The following DNAH10 variants were observed in gnomAD, a reference collection of about 807,000 sequenced individuals.
The protein encoded by DNAH10 is dynein axonemal heavy chain 10, also known as axonemal beta dynein heavy chain 10.
DNAH10 carries 348 observed loss-of-function variants against 506.6 expected under a neutral mutation model. That is an observed-to-expected ratio of 0.69 (90% CI 0.63 to 0.75). DNAH10 has a LOEUF of 0.75. DNAH10 is among the 30% of genes least tolerant of loss of function. The pLI is 0.00. For synonymous variants in DNAH10, 2,059 were observed against 2,198.6 expected (o/e 0.94, Z 1.78); for missense variants, 5,179 against 5,787.1 (o/e 0.89, Z 3.41).
chr12:123,881,641 A>G lies in DNAH10; in HGVS notation c.8651A>G (p.Tyr2884Cys), dbSNP rs1327905128. Residue 2884 changes from tyrosine (Y) to cysteine (C), a missense_variant, in exon 51 of 79, where the codon TAT becomes TGT. By Grantham distance (194) the Tyr-to-Cys change is radical (BLOSUM62 -2). Coordinates refer to ENST00000673944, the MANE Select transcript of DNAH10 (RefSeq NM_001372106.1). Reference protein sequence around the residue: ...KALFQEILEEYNESNTKMNLV... With the variant: ...KALFQEILEECNESNTKMNLV... ...TAAATGCAGGAAATTCTTGAAGAGTATAATGAAAGCAACACCAAAATGAAC... is the reference window on the plus strand; with the variant it reads ...TAAATGCAGGAAATTCTTGAAGAGTGTAATGAAAGCAACACCAAAATGAAC... 6.5e-7 allele frequency: 1 copy of G among 1,537,180 alleles called. No homozygotes were observed. The highest frequency in any genetic ancestry group is 8.7e-7 in the Non-Finnish European group (1 of 1,142,922).
intron 30 of DNAH10, among the ~76,000 whole-genome samples, chr12:123,843,364 C>T (rs529786443): frequency 3.9e-5 from 6 of 152,202 alleles, no homozygotes; most frequent in South Asian, 2.1e-4. Flanking sequence ...GCCACCTCTC[C>T]GTTTCTGATT....
In DNAH10 at chr12:123,785,759, G is replaced by C; in HGVS notation, c.1244G>C (p.Gly415Ala). The C allele has an allele frequency of 6.2e-7, 1 of 1,612,766 alleles. No homozygotes were observed. The highest frequency in any genetic ancestry group is 1.7e-4 in the Middle Eastern group (1 of 6,050). The change falls in exon 9 of 79, where the codon GGG (glycine) becomes GCG (alanine). Residue 415 changes from glycine to alanine, a missense_variant. Transcript: ENST00000673944. This position sits in a 1 kb window ranked among gnomAD's most constrained non-coding sequence, Gnocchi z 4.1. ...TCTCTTGGTCAGAACATAACGCACGGGTCTGGCTTCCACGTGGTCCTGGAC... is the reference window on the plus strand; with the variant it reads ...TCTCTTGGTCAGAACATAACGCACGCGTCTGGCTTCCACGTGGTCCTGGAC... ...VERYFKNITH[G>A]SGFHVVLDTI...
intron 35 of DNAH10, among the ~76,000 whole-genome samples, chr12:123,852,154 T>A (rs1388587417): frequency 3.3e-5 from 5 of 152,194 alleles, no homozygotes; most frequent in Non-Finnish European, 7.3e-5. Context: ...TGTAATTTTG[T>A]CACTTTGAGA....
intron 49 of DNAH10, 34 bp downstream of exon 49, chr12:123,879,391 C>T: frequency 1.3e-6 from 2 of 1,544,182 alleles, no homozygotes; most frequent in Non-Finnish European, 1.7e-6. Context: ...TCAGGAAATT[C>T]TTCTCAGGAA....
intron 30 of DNAH10, among the ~76,000 whole-genome samples, chr12:123,842,051 A>C (rs1247337349): frequency 1.3e-5 from 2 of 152,220 alleles, no homozygotes; most frequent in African/African-American, 4.8e-5. Context: ...CACCCGATGC[A>C]GTACTCTCAA....
intron 2 of DNAH10, among the ~76,000 whole-genome samples, chr12:123,768,088 CT>C (rs1327957036): frequency 6.6e-6 from 1 of 151,992 alleles, no homozygotes; most frequent in Non-Finnish European, 1.5e-5. Context: ...GCCTTGTCCC[CT>C]CTGTATCTTT....
Position 123,802,315 on chromosome 12 carries a change from G to A in DNAH10, c.2614+883G>A, listed in dbSNP as rs565491803. ...TGTTTAGTTTAAGGTTGTTGTTGTT[G>A]TTGTTTTGAGATGGAGTTTCGCTCT... is the stretch of plus-strand genomic sequence containing the variant. On this transcript the variant is annotated intron_variant, in intron 16 of 78. Transcript: ENST00000673944. Among the ~76,000 whole-genome samples, 18 of 152,168 alleles carry A rather than the reference G, an allele frequency of 1.2e-4. No homozygotes were observed. In the South Asian group the frequency reaches 3.7e-3, roughly 32 times the overall value.
chr12:123,787,971 C>A lies in DNAH10; in HGVS notation c.1589C>A (p.Thr530Asn). The change falls in exon 10 of 79, where the codon ACC (threonine) becomes AAC (asparagine). Residue 530 changes from threonine (T) to asparagine (N), a missense_variant. By Grantham distance (65) the Thr-to-Asn change is moderately conservative (BLOSUM62 0). Coordinates refer to ENST00000673944, the MANE Select transcript of DNAH10 (RefSeq NM_001372106.1). This position sits in a 1 kb window ranked among gnomAD's most constrained non-coding sequence, Gnocchi z 4.6. ...TTCGAGAGGACGGATTATATGGCCA[C>A]CATCTGCCAGGACCTCTCCGACGTT... ...RLFERTDYMA[T>N]ICQDLSDVLQ... is the part of the protein sequence containing the mutation. The A allele has an allele frequency of 6.3e-7, 1 of 1,583,890 alleles. No individual in the cohort carries two copies. The highest frequency in any genetic ancestry group is 8.6e-7 in the Non-Finnish European group (1 of 1,164,934).
At chr12:123,921,325 T>C (rs1009586134) in intron 65 of DNAH10, among the ~76,000 whole-genome samples, 31 of 152,224 alleles carry the variant, frequency 2.0e-4, no homozygotes, top group African/African-American at 7.5e-4. Context: ...TCAGCATTCG[T>C]CGTGAAAACG....
intron 5 of DNAH10, 144 bp downstream of exon 5, chr12:123,774,408 A>T: frequency 1.7e-6 from 1 of 575,670 alleles, no homozygotes; most frequent in Non-Finnish European, 3.0e-6. Context: ...TCGGTTGGGG[A>T]GACCCTAACC....
At chr12:123,770,969 TAA>T (rs386767197) in intron 2 of DNAH10, among the ~76,000 whole-genome samples, 5,235 of 132,828 alleles carry the variant, frequency 0.039, 311 homozygotes, top group African/African-American at 0.12. Flanking sequence ...ATGCTAGCTG[TAA>T]TTCTTTTTTT....
At chr12:123,782,881 A>C (rs1957715552) in intron 6 of DNAH10, among the ~76,000 whole-genome samples, 1 of 152,236 alleles carries the variant, frequency 6.6e-6, no homozygotes, top group African/African-American at 2.4e-5. Context: ...CATCTTAAAT[A>C]ACTAAATCAT....
intron 30 of DNAH10, 106 bp downstream of exon 30, chr12:123,841,651 G>GT: frequency 2.7e-6 from 3 of 1,114,456 alleles, no homozygotes; most frequent in Non-Finnish European, 2.5e-6. Context: ...ATGAGGTTTT[G>GT]TTTTTTTGCA....
intron 6 of DNAH10, among the ~76,000 whole-genome samples, chr12:123,781,927 C>CT (rs927632111): frequency 2.0e-5 from 3 of 151,650 alleles, no homozygotes; most frequent in Non-Finnish European, 2.9e-5. Flanking sequence ...GATGATGGGC[C>CT]TTTGTGTGGA....
At position 123,916,842 on chromosome 12, in the gene DNAH10, T is replaced by C; in HGVS notation, c.11002+106T>C. 2 of 1,356,260 alleles carry C rather than the reference T, an allele frequency of 1.5e-6. No individual in the cohort carries two copies. Among genetic ancestry groups the C allele is most frequent in the Non-Finnish European group, 2.0e-6 (2 of 1,011,724 alleles). The allele number at this position is 1,356,260 out of a possible 1,614,324, so 84.0% of individuals were successfully genotyped here. A position where few individuals can be genotyped will look rare whatever the true frequency, so the allele number is the denominator to read the frequency against. On this transcript the variant is annotated intron_variant, in intron 63 of 78. Coordinates refer to ENST00000673944, the MANE Select transcript of DNAH10 (RefSeq NM_001372106.1). The surrounding 1 kb of genome is among the most constrained non-coding windows in gnomAD (Gnocchi z 4.6). ...CATCATTTCACTCAGTGACCCCAGA[T>C]CATTCTCTCATAGGCACATCTGGAC...
In DNAH10 at chr12:123,868,199, T is replaced by A. The variant is rs572421463; in HGVS notation, c.7519+80T>A. On this transcript the variant is annotated intron_variant, in intron 43 of 78. Coordinates refer to ENST00000673944, the MANE Select transcript of DNAH10 (RefSeq NM_001372106.1). The stretch of plus-strand genomic sequence containing the variant: ...TAGAGGAAGTGAATGAGCTTTTCCA[T>A]ATTTCTGTCTGTATGAGTTTTCCAG... 27 of 1,247,786 alleles carry A rather than the reference T, an allele frequency of 2.2e-5. No individual in the cohort carries two copies. The Middle Eastern group carries it at 8.3e-4, about 39-fold the overall frequency. 77.3% of individuals were successfully genotyped at this position (1,247,786 alleles called of 1,614,324 possible). A position where few individuals can be genotyped will look rare whatever the true frequency, so the allele number is the denominator to read the frequency against.
Position 123,909,223 on chromosome 12 carries a change from C to T in DNAH10, c.9816-38C>T. On this transcript the variant is annotated intron_variant, in intron 57 of 78. Coordinates refer to ENST00000673944, the MANE Select transcript of DNAH10 (RefSeq NM_001372106.1). The surrounding 1 kb of genome is among the most constrained non-coding windows in gnomAD (Gnocchi z 5.4). ...CTTTCAGGCCAGATCCTGGCCACAT[C>T]CCGGGGTTGTGACCCACGTGCCTTG... 6.2e-7 allele frequency: 1 copy of T among 1,600,716 alleles called. No individual in the cohort carries two copies. Among genetic ancestry groups the T allele is most frequent in the Non-Finnish European group, 8.5e-7 (1 of 1,174,348 alleles).
chr12:123,917,837 C>A lies in DNAH10; in HGVS notation c.11232+24C>A. ...AGGTAGCAACCACAGTGGAAGAGGCCGTGAGTCAGGCGGGGCCTGCATGCG... is the reference window on the plus strand; with the variant it reads ...AGGTAGCAACCACAGTGGAAGAGGCAGTGAGTCAGGCGGGGCCTGCATGCG... On this transcript the variant is annotated intron_variant, in intron 64 of 78. Transcript: ENST00000673944. The surrounding 1 kb of genome is among the most constrained non-coding windows in gnomAD (Gnocchi z 5.6). The A allele has an allele frequency of 6.4e-7, 1 of 1,554,294 alleles. No homozygotes were observed.
rs775045548 is a variant in DNAH10, at chr12:123,787,748, C to T, written c.1422-56C>T. The T allele has an allele frequency of 3.8e-6, 6 of 1,569,386 alleles. No homozygotes were observed. The highest frequency in any genetic ancestry group is 5.2e-6 in the Non-Finnish European group (6 of 1,155,758). ...ACACTGGCTCCCCAGCCGGGGAGTG[C>T]GGCTCGGACCCGGAGCTCCGCCCTC... is the stretch of plus-strand genomic sequence containing the variant. On this transcript the variant is annotated intron_variant, in intron 9 of 78. Coordinates refer to ENST00000673944, the MANE Select transcript of DNAH10 (RefSeq NM_001372106.1). This position sits in a 1 kb window ranked among gnomAD's most constrained non-coding sequence, Gnocchi z 4.6.
Sources: allele counts gnomAD v4.1 joint callset (sites outside exome capture counted in the v4.1 genomes callset), GRCh38; gene constraint gnomAD v4.1.1; non-coding constraint Gnocchi (gnomAD v3.1); transcripts MANE v1.5; gene names NCBI Gene and HGNC (gene_info 2026-07-23, HGNC 2026-07-21).